AXDND1: variants seen among roughly 807,000 people sequenced by gnomAD.
AXDND1 encodes axonemal dynein light chain domain-containing protein 1.
A neutral mutation model predicts 137.5 loss-of-function variants in AXDND1; 110 were observed. That is an observed-to-expected ratio of 0.80 (90% CI 0.69 to 0.94). The LOEUF is 0.94. AXDND1 is among the 40% of genes least tolerant of loss of function. The probability of loss-of-function intolerance (pLI) is 0.00; values close to 1 mark genes in which losing one functional copy is unlikely to be tolerated. For synonymous variants in AXDND1, 414 were observed against 399.7 expected, an observed-to-expected ratio of 1.04 and a Z score of -0.43; for missense variants, 1,191 against 1,169.8, an observed-to-expected ratio of 1.02 and a Z score of -0.26.
chr1:179,419,127 T>C (rs1347335358), intron 12 of AXDND1, among the ~76,000 whole-genome samples: 1 of 144,526 alleles, frequency 6.9e-6, no homozygotes, highest in East Asian at 2.1e-4. Context: ...CTCCTCACTT[T>C]CCAGACTGGG....
intron 16 of AXDND1, among the ~76,000 whole-genome samples, chr1:179,457,859 G>A (rs12130876): frequency 0.14 from 21,023 of 152,164 alleles, 1,599 homozygotes; most frequent in East Asian, 0.35. Context: ...TTTGGAGTGA[G>A]GCTGTTGTTA....
At chr1:179,532,372 A>G (rs1671116927) in intron 23 of AXDND1, among the ~76,000 whole-genome samples, 1 of 152,214 alleles carries the variant, frequency 6.6e-6, no homozygotes, top group Non-Finnish European at 1.5e-5. Context: ...CCATGTGTGG[A>G]ATTCCAGTTC....
At chr1:179,395,254 A>G (rs1304178891) in intron 11 of AXDND1, 52 bp downstream of exon 11, 1 of 1,396,740 alleles carries the variant, frequency 7.2e-7, no homozygotes, top group Non-Finnish European at 1.0e-6. Context: ...GAAGAAGCTT[A>G]TATAGCTTCT....
chr1:179,459,017 CAGTA>C (rs1558209876), intron 16 of AXDND1, among the ~76,000 whole-genome samples: 1 of 151,910 alleles, frequency 6.6e-6, no homozygotes, highest in Non-Finnish European at 1.5e-5. Context: ...AGATTAAAAT[CAGTA>C]AGACAGTTTG....
chr1:179,508,535 T>C (rs1342158885), intron 20 of AXDND1, among the ~76,000 whole-genome samples: 2 of 152,102 alleles, frequency 1.3e-5, no homozygotes, highest in Non-Finnish European at 2.9e-5. Context: ...AATGTACCTT[T>C]TAAACGTTGA....
chr1:179,441,558 C>T (rs12729775), intron 15 of AXDND1, among the ~76,000 whole-genome samples: 44,700 of 152,086 alleles, frequency 0.29, 6,791 homozygotes, highest in Non-Finnish European at 0.31. Context: ...AGCATTTCTG[C>T]GGCCACGGTA....
intron 4 of AXDND1, among the ~76,000 whole-genome samples, chr1:179,377,735 G>A (rs1647518841): frequency 6.6e-6 from 1 of 152,176 alleles, no homozygotes; most frequent in South Asian, 2.1e-4. Flanking sequence ...ACTTGGCAGT[G>A]GTAATCACCA....
intron 12 of AXDND1, among the ~76,000 whole-genome samples, chr1:179,425,650 C>A (rs1656435362): frequency 6.6e-6 from 1 of 151,914 alleles, no homozygotes; most frequent in Non-Finnish European, 1.5e-5. Context: ...CTCACTTTTT[C>A]CAGTGTAAAA....
intron 25 of AXDND1, chr1:179,551,516 A>C: frequency 6.3e-7 from 1 of 1,585,464 alleles, no homozygotes; most frequent in Non-Finnish European, 8.6e-7. Context: ...ACCACTATGC[A>C]GTATGACTCA....
At chr1:179,369,338 A>G (rs1667796248) in intron 3 of AXDND1, among the ~76,000 whole-genome samples, 1 of 152,150 alleles carries the variant, frequency 6.6e-6, no homozygotes, top group Non-Finnish European at 1.5e-5. Context: ...TTAGCCTCCC[A>G]AAGTGCTGGA....
intron 15 of AXDND1, among the ~76,000 whole-genome samples, chr1:179,439,858 G>C (rs985945151): frequency 3.6e-5 from 5 of 138,280 alleles, no homozygotes; most frequent in African/African-American, 1.3e-4. Context: ...ATGGCCACAC[G>C]CACCTTGAGG....
Position 179,433,960 on chromosome 1 carries a change from A to C in AXDND1, c.1563+1618A>C, listed in dbSNP as rs573369658. Among the ~76,000 whole-genome samples, 15 of 86,408 alleles carry C rather than the reference A, an allele frequency of 1.7e-4. No homozygotes were observed. In the Admixed American group the frequency reaches 1.9e-3, roughly 11 times the overall value. The allele number at this position is 86,408 out of a possible 152,430, so 56.7% of individuals were successfully genotyped here. A position where few individuals can be genotyped will look rare whatever the true frequency, so the allele number is the denominator to read the frequency against. On this transcript the variant is annotated intron_variant, in intron 15 of 25. Transcript: ENST00000367618. ...GTCTAATATTGACAGTGGGGTGTTA[A>C]AGTCTCCCACTACTATTGTGGAGTC...
chr1:179,541,792 A>G (rs1572221203), intron 25 of AXDND1, among the ~76,000 whole-genome samples: 1 of 152,200 alleles, frequency 6.6e-6, no homozygotes, highest in African/African-American at 2.4e-5. Flanking sequence ...AAAGATGTTC[A>G]GTGTATCATT....
chr1:179,515,714 CT>C (rs1048051555), intron 21 of AXDND1, among the ~76,000 whole-genome samples: 32 of 151,962 alleles, frequency 2.1e-4, no homozygotes, highest in Admixed American at 1.4e-3. Context: ...ATCAATTATT[CT>C]TTTTTTTAAT....
rs758242203 is a variant in AXDND1, at chr1:179,552,597, G to A, written c.3032-1915G>A. 4.3e-6 allele frequency: 7 copies of A among 1,612,386 alleles called. No homozygotes were observed. In the East Asian group the frequency reaches 1.1e-4, roughly 26 times the overall value. ...GGCAGTCTGGGTGGGAGGATGGAGTGCTCACCCGCACTTTGGCTTGTCTTT... is the reference window on the plus strand; with the variant it reads ...GGCAGTCTGGGTGGGAGGATGGAGTACTCACCCGCACTTTGGCTTGTCTTT... On this transcript the variant is annotated intron_variant, in intron 25 of 25. Coordinates refer to ENST00000367618, the MANE Select transcript of AXDND1 (RefSeq NM_144696.6).
chr1:179,443,631 T>C (rs1659315423), intron 15 of AXDND1, among the ~76,000 whole-genome samples: 1 of 152,178 alleles, frequency 6.6e-6, no homozygotes, highest in South Asian at 2.1e-4. Context: ...TCTAGGCATC[T>C]CATATAAGTG....
intron 20 of AXDND1, among the ~76,000 whole-genome samples, chr1:179,501,940 G>A (rs1264793309): frequency 2.6e-5 from 4 of 151,886 alleles, no homozygotes; most frequent in Admixed American, 6.6e-5. Flanking sequence ...AACTCAAAGG[G>A]AAAAGGTTCA....
intron 17 of AXDND1, among the ~76,000 whole-genome samples, chr1:179,475,649 T>C (rs1664521653): frequency 6.6e-6 from 1 of 152,222 alleles, no homozygotes; most frequent in South Asian, 2.1e-4. Context: ...TACAGGCTCA[T>C]AGACAGAAGG....
At chr1:179,519,936 A>G (rs1453818139) in intron 21 of AXDND1, among the ~76,000 whole-genome samples, 2 of 152,142 alleles carry the variant, frequency 1.3e-5, no homozygotes, top group Non-Finnish European at 2.9e-5. Flanking sequence ...TGTCAATGGT[A>G]GTTTGATAGG....
Sources: allele counts gnomAD v4.1 joint callset (sites outside exome capture counted in the v4.1 genomes callset), GRCh38; gene constraint gnomAD v4.1.1; transcripts MANE v1.5; gene names NCBI Gene and HGNC (gene_info 2026-07-23, HGNC 2026-07-21).